Variants in NUSAP1 observed in about 807,000 individuals in gnomAD.
NUSAP1 encodes nucleolar and spindle-associated protein 1.
A neutral mutation model predicts 52.8 loss-of-function variants in NUSAP1; 32 were observed. That is an observed-to-expected ratio of 0.61 (90% confidence interval 0.46 to 0.81). NUSAP1 has a LOEUF of 0.81. NUSAP1 is among the 40% of genes least tolerant of loss of function. The probability of loss-of-function intolerance (pLI) is 0.00; values close to 1 mark genes in which losing one functional copy is unlikely to be tolerated. For synonymous variants in NUSAP1, 195 were observed against 183.1 expected (o/e 1.06, Z -0.52); for missense variants, 499 against 522.3 (o/e 0.96, Z 0.43).
chr15:41,380,062 T>C (rs1428013885), intron 10 of NUSAP1, 31 bp from the exon 11 acceptor site: 1 of 1,516,460 alleles, frequency 6.6e-7, no homozygotes, highest in Non-Finnish European at 9.0e-7. Context: ...GGAGCCTCCC[T>C]AGAGCTTAAT....
At chr15:41,380,063 A>C (rs796681469) in intron 10 of NUSAP1, 30 bp from the exon 11 acceptor site, 4 of 1,513,912 alleles carry the variant, frequency 2.6e-6, no homozygotes, top group African/African-American at 2.8e-5. Context: ...GAGCCTCCCT[A>C]GAGCTTAATG....
chr15:41,378,014 G>A (rs949928927), intron 10 of NUSAP1, among the ~76,000 whole-genome samples: 4 of 151,964 alleles, frequency 2.6e-5, no homozygotes, highest in Non-Finnish European at 4.4e-5. Flanking sequence ...GTGGTATCGT[G>A]TATATAACTT....
At chr15:41,333,764 C>T (rs7178498) in intron 1 of NUSAP1, among the ~76,000 whole-genome samples, 176 of 152,234 alleles carry the variant, frequency 1.2e-3, no homozygotes, top group Non-Finnish European at 2.1e-3. Flanking sequence ...TGGTGGCACA[C>T]GCCTGTGATC....
At chr15:41,372,726 C>G (rs1389215315) in intron 8 of NUSAP1, among the ~76,000 whole-genome samples, 1 of 152,036 alleles carries the variant, frequency 6.6e-6, no homozygotes, top group Non-Finnish European at 1.5e-5. Context: ...GTCTTAGATC[C>G]TGATTGCTGT....
At chr15:41,379,539 A>ATTAT (rs1325340459) in intron 10 of NUSAP1, among the ~76,000 whole-genome samples, 1 of 147,010 alleles carries the variant, frequency 6.8e-6, no homozygotes, top group Non-Finnish European at 1.5e-5. Flanking sequence ...GCATGATTTT[A>ATTAT]TTATTTATTT....
At position 41,374,014 on chromosome 15, in the gene NUSAP1, C is replaced by T. The variant is rs552867092; in HGVS notation, c.1007-1698C>T. Reference sequence around the variant, plus strand: ...ACCATCCTGGCTAACACACTGAAACCCCGTCTCTACTAAAAATACAAAAAC... The same window carrying T: ...ACCATCCTGGCTAACACACTGAAACTCCGTCTCTACTAAAAATACAAAAAC... On this transcript the variant is annotated intron_variant, in intron 8 of 10. Coordinates refer to ENST00000559596, the MANE Select transcript of NUSAP1 (RefSeq NM_016359.5). Among the ~76,000 whole-genome samples, 14 of 152,184 alleles carry T rather than the reference C, an allele frequency of 9.2e-5. No homozygotes were observed. The South Asian group carries it at 2.9e-3, about 32-fold the overall frequency.
At chr15:41,374,400 C>T (rs952003051) in intron 8 of NUSAP1, among the ~76,000 whole-genome samples, 4 of 152,120 alleles carry the variant, frequency 2.6e-5, no homozygotes, top group Admixed American at 1.3e-4. Flanking sequence ...TATGGGGTCC[C>T]TATATAAGGC....
At chr15:41,373,496 C>CT (rs1194907143) in intron 8 of NUSAP1, among the ~76,000 whole-genome samples, 1 of 140,784 alleles carries the variant, frequency 7.1e-6, no homozygotes, top group Non-Finnish European at 1.5e-5. Context: ...ATCACCCAGG[C>CT]TGGAGTGCAG....
intron 6 of NUSAP1, among the ~76,000 whole-genome samples, chr15:41,360,743 C>T (rs2049140541): frequency 6.6e-6 from 1 of 151,980 alleles, no homozygotes; most frequent in African/African-American, 2.4e-5. Flanking sequence ...AGGCGTGAGC[C>T]ACCACTCCTG....
In NUSAP1 at chr15:41,350,993, T is replaced by C. The variant is rs762590744; in HGVS notation, c.312T>C (p.Asn104=). ...TTTCCTTTTTAAATTTGTAGCAGAA[T>C]CATTCAGAGATAAAAATAAGTAATC... The part of the protein sequence containing the change: ...TVRVDPDSQQ[N]HSEIKISNPT... The change falls in exon 4 of 11, where the codon AAT becomes AAC. Residue 104 remains asparagine, a synonymous_variant. Coordinates refer to ENST00000559596, the MANE Select transcript of NUSAP1 (RefSeq NM_016359.5). The C allele has an allele frequency of 3.1e-6, 5 of 1,603,746 alleles. No homozygotes were observed. In the African/African-American group the frequency reaches 6.7e-5, roughly 22 times the overall value.
chr15:41,370,361 G>A (rs575983959), intron 7 of NUSAP1, among the ~76,000 whole-genome samples: 97 of 152,058 alleles, frequency 6.4e-4, no homozygotes, highest in African/African-American at 2.0e-3. Flanking sequence ...CAGCCTGGGC[G>A]ACATAGCGAG....
chr15:41,363,107 C>A (rs1595577978), intron 6 of NUSAP1, among the ~76,000 whole-genome samples: 1 of 151,788 alleles, frequency 6.6e-6, no homozygotes, highest in Admixed American at 6.6e-5. Context: ...CCCAACATGG[C>A]GAAACCCCGT....
chr15:41,371,475 C>T, intron 7 of NUSAP1, 52 bp from the exon 8 acceptor site: 1 of 1,450,046 alleles, frequency 6.9e-7, no homozygotes, highest in Non-Finnish European at 9.2e-7. Flanking sequence ...AAGCTAGACA[C>T]AAGTTACTCT....
chr15:41,347,913 A>G (rs2048638642), intron 2 of NUSAP1, among the ~76,000 whole-genome samples: 1 of 151,992 alleles, frequency 6.6e-6, no homozygotes, highest in African/African-American at 2.4e-5. Flanking sequence ...ACTTCAGCCT[A>G]GGAGTTCACA....
intron 6 of NUSAP1, among the ~76,000 whole-genome samples, chr15:41,361,996 A>C (rs1352523513): frequency 6.6e-6 from 1 of 152,106 alleles, no homozygotes; most frequent in African/African-American, 2.4e-5. Context: ...CCTCTCTTTG[A>C]CTTTTATGAT....
At chr15:41,354,611 T>C (rs540085086) in intron 4 of NUSAP1, among the ~76,000 whole-genome samples, 1 of 152,116 alleles carries the variant, frequency 6.6e-6, no homozygotes, top group East Asian at 1.9e-4. Flanking sequence ...ACGTGACTTT[T>C]ATCACTAGTT....
intron 2 of NUSAP1, among the ~76,000 whole-genome samples, chr15:41,347,049 G>A (rs1237289191): frequency 1.3e-5 from 2 of 151,970 alleles, no homozygotes; most frequent in Non-Finnish European, 2.9e-5. Flanking sequence ...GCATGTACCT[G>A]TAATCCCAGC....
chr15:41,357,096 C>T (rs997294188), intron 5 of NUSAP1, among the ~76,000 whole-genome samples: 2 of 152,162 alleles, frequency 1.3e-5, no homozygotes, highest in African/African-American at 4.8e-5. Context: ...TGGCCGGGTG[C>T]GGTTCTCACA....
At chr15:41,367,942 T>G (rs2049488715) in intron 7 of NUSAP1, among the ~76,000 whole-genome samples, 2 of 152,146 alleles carry the variant, frequency 1.3e-5, no homozygotes, top group Admixed American at 1.3e-4. Context: ...AATCTTAGCT[T>G]TTTTCTGTGG....
Sources: allele counts gnomAD v4.1 joint callset (sites outside exome capture counted in the v4.1 genomes callset), GRCh38; gene constraint gnomAD v4.1.1; transcripts MANE v1.5; gene names NCBI Gene and HGNC (gene_info 2026-07-23, HGNC 2026-07-21).